The following OPHN1 variants were observed in gnomAD, a reference collection of about 807,000 sequenced individuals.
OPHN1 encodes the protein oligophrenin-1.
A neutral mutation model predicts 60.7 loss-of-function variants in OPHN1; 11 were observed. That is an observed-to-expected ratio of 0.18 (90% CI 0.11 to 0.30). The LOEUF (loss-of-function observed/expected upper bound fraction) is 0.30. Ranked by LOEUF, OPHN1 falls within the 10% of genes least tolerant of loss-of-function variation. The pLI is 1.00. For missense variants in OPHN1, 449 were observed against 611.0 expected (o/e 0.73, Z 2.80); for synonymous variants, 226 against 222.6 (o/e 1.02, Z -0.14).
chrX:68,294,398 G>A (rs956364077), intron 3 of OPHN1, among the ~76,000 whole-genome samples: 2 of 104,771 alleles, frequency 1.9e-5, no homozygotes, highest in African/African-American at 7.0e-5. Context: ...TCTTGAACCC[G>A]GGAGGCGGAG....
At chrX:68,145,644 C>T (rs2077260738) in intron 15 of OPHN1, among the ~76,000 whole-genome samples, 1 of 111,462 alleles carries the variant, frequency 9.0e-6, no homozygotes, top group South Asian at 3.8e-4. Flanking sequence ...CTCTCTGGAC[C>T]CACATCCTTC....
At chrX:68,301,838 A>G (rs768027140) in intron 2 of OPHN1, among the ~76,000 whole-genome samples, 8 of 112,137 alleles carry the variant, frequency 7.1e-5, no homozygotes, top group Non-Finnish European at 1.1e-4. Context: ...TCCCTTACAC[A>G]TTATAGAATG....
At chrX:68,332,694 C>T (rs760862820) in intron 2 of OPHN1, among the ~76,000 whole-genome samples, 1 of 110,894 alleles carries the variant, frequency 9.0e-6, no homozygotes, top group East Asian at 2.8e-4. Flanking sequence ...AAAGACTCAG[C>T]CTTTGAGAGA....
chrX:68,126,548 G>A (rs1406124691), intron 15 of OPHN1, among the ~76,000 whole-genome samples: 2 of 110,793 alleles, frequency 1.8e-5, no homozygotes, highest in Non-Finnish European at 3.8e-5. Flanking sequence ...AGGTTCAAGC[G>A]ATTCTCGTGC....
At chrX:68,402,461 G>A (rs2078720734) in intron 2 of OPHN1, among the ~76,000 whole-genome samples, 1 of 111,510 alleles carries the variant, frequency 9.0e-6, no homozygotes, top group African/African-American at 3.3e-5. Context: ...TTGCCAACTG[G>A]TAGGCTACAA....
At chrX:68,335,470 G>C (rs1356283195) in intron 2 of OPHN1, among the ~76,000 whole-genome samples, 1 of 112,222 alleles carries the variant, frequency 8.9e-6, no homozygotes, top group Admixed American at 9.5e-5. Flanking sequence ...TGCTGATGCT[G>C]TTTTTCTAGG....
At chrX:68,222,681 A>G (rs1386333003) in intron 6 of OPHN1, among the ~76,000 whole-genome samples, 1 of 105,615 alleles carries the variant, frequency 9.5e-6, no homozygotes, top group African/African-American at 3.4e-5. Context: ...CGCAAGAACA[A>G]AAAAGCAAAC....
chrX:68,320,541 C>T (rs1380006920), intron 2 of OPHN1, among the ~76,000 whole-genome samples: 1 of 107,981 alleles, frequency 9.3e-6, no homozygotes, highest in Non-Finnish European at 1.9e-5. Flanking sequence ...ATGAATGAAC[C>T]CCCCCCCATT....
intron 21 of OPHN1, among the ~76,000 whole-genome samples, chrX:68,055,252 C>A: frequency 8.9e-6 from 1 of 112,052 alleles, no homozygotes; most frequent in South Asian, 3.7e-4. Flanking sequence ...GGTTGTAGGA[C>A]CCTAGACAGG....
At chrX:68,144,630 T>G (rs918970809) in intron 15 of OPHN1, among the ~76,000 whole-genome samples, 2 of 112,129 alleles carry the variant, frequency 1.8e-5, no homozygotes, top group Non-Finnish European at 3.8e-5. Flanking sequence ...TAATAAATCA[T>G]AAACTCAGAA....
At chrX:68,258,029 G>A (rs2077872980) in intron 5 of OPHN1, among the ~76,000 whole-genome samples, 1 of 109,447 alleles carries the variant, frequency 9.1e-6, no homozygotes, top group African/African-American at 3.3e-5. Context: ...TAGGGAGAAG[G>A]GGCAGATAAC....
chrX:68,290,507 G>A (rs896108235), intron 3 of OPHN1, among the ~76,000 whole-genome samples: 13 of 110,298 alleles, frequency 1.2e-4, no homozygotes, highest in African/African-American at 4.3e-4. Flanking sequence ...GCTGAGGCAG[G>A]AGAATTGCTT....
At chrX:68,180,962 A>G (rs1484761332) in intron 15 of OPHN1, among the ~76,000 whole-genome samples, 1 of 111,469 alleles carries the variant, frequency 9.0e-6, no homozygotes, top group Non-Finnish European at 1.9e-5. Flanking sequence ...AAAAAAATAT[A>G]TCACAAACTT....
At chrX:68,367,219 T>A (rs760742322) in intron 2 of OPHN1, among the ~76,000 whole-genome samples, 1 of 109,566 alleles carries the variant, frequency 9.1e-6, no homozygotes, top group South Asian at 4.0e-4. Context: ...CAGGGTGTGC[T>A]GGTGTGCACC....
chrX:68,052,336 T>C (rs1330942113), intron 23 of OPHN1, among the ~76,000 whole-genome samples: 1 of 99,638 alleles, frequency 1.0e-5, no homozygotes, highest in Admixed American at 1.1e-4. Flanking sequence ...AAAAAGAATA[T>C]GAGAGAAACA....
chrX:68,387,334 G>A (rs1041474099), intron 2 of OPHN1, among the ~76,000 whole-genome samples: 1 of 109,824 alleles, frequency 9.1e-6, no homozygotes, highest in African/African-American at 3.3e-5. Flanking sequence ...CACCACTTTA[G>A]TTCAAGCCAC....
chrX:68,328,109 G>A (rs1602330018), intron 2 of OPHN1, among the ~76,000 whole-genome samples: 1 of 97,658 alleles, frequency 1.0e-5, no homozygotes, highest in Non-Finnish European at 2.0e-5. Flanking sequence ...GATTACAGGC[G>A]TGAGCCACCG....
At chrX:68,067,426 G>C (rs1261223973) in intron 20 of OPHN1, among the ~76,000 whole-genome samples, 4 of 110,684 alleles carry the variant, frequency 3.6e-5, no homozygotes, top group Non-Finnish European at 7.6e-5. Context: ...GTCCATGAAT[G>C]CCATGCTCAG....
intron 21 of OPHN1, among the ~76,000 whole-genome samples, chrX:68,062,531 G>C (rs865855407): frequency 3.8e-4 from 43 of 112,171 alleles, no homozygotes; most frequent in African/African-American, 1.2e-3. Flanking sequence ...GCCCAATCGG[G>C]TCCACAGGCC....
Sources: allele counts gnomAD v4.1 joint callset (sites outside exome capture counted in the v4.1 genomes callset), GRCh38; gene constraint gnomAD v4.1.1; transcripts MANE v1.5; gene names NCBI Gene and HGNC (gene_info 2026-07-23, HGNC 2026-07-21).